ANO10: variants seen among roughly 807,000 people sequenced by gnomAD.
ANO10 encodes the protein anoctamin 10.
A neutral mutation model predicts 74.7 loss-of-function variants in ANO10; 77 were observed. The observed-to-expected ratio is 1.03, with a 90% confidence interval of 0.86 to 1.25. ANO10 has a LOEUF of 1.25. Among genes scored for constraint, ANO10 ranks in the 50% most tolerant of loss-of-function variants. The pLI is 0.00. For synonymous variants in ANO10, 279 were observed against 284.9 expected (o/e 0.98, Z 0.21); for missense variants, 721 against 778.1 (o/e 0.93, Z 0.87).
intron 1 of ANO10, among the ~76,000 whole-genome samples, chr3:43,677,972 C>A (rs1478713012): frequency 6.6e-6 from 1 of 152,204 alleles, no homozygotes; most frequent in Non-Finnish European, 1.5e-5. Flanking sequence ...ATGAGGGGCC[C>A]TGAGGGGCCA....
At chr3:43,397,047 A>G (rs890836631) in intron 12 of ANO10, among the ~76,000 whole-genome samples, 3 of 151,728 alleles carry the variant, frequency 2.0e-5, no homozygotes, top group Non-Finnish European at 4.4e-5. Flanking sequence ...CTCCTGCCTC[A>G]GCCTCCCAAG....
At chr3:43,402,517 G>A (rs1400521660) in intron 12 of ANO10, among the ~76,000 whole-genome samples, 3 of 152,212 alleles carry the variant, frequency 2.0e-5, no homozygotes, top group African/African-American at 7.2e-5. Flanking sequence ...ACACGATGGA[G>A]TGCTGATTCC....
chr3:43,667,557 C>T (rs970056526), intron 1 of ANO10, among the ~76,000 whole-genome samples: 2 of 152,032 alleles, frequency 1.3e-5, no homozygotes, highest in African/African-American at 4.8e-5. Context: ...ATACACTGTA[C>T]CCAATATGTA....
chr3:43,642,674 TC>T (rs1452149860), intron 1 of ANO10, among the ~76,000 whole-genome samples: 7 of 152,010 alleles, frequency 4.6e-5, no homozygotes, highest in Non-Finnish European at 7.4e-5. Context: ...TTCACTTCAT[TC>T]CCCCCACCTC....
At chr3:43,655,965 C>T (rs879927993) in intron 1 of ANO10, among the ~76,000 whole-genome samples, 662 of 56,090 alleles carry the variant, frequency 0.012, no homozygotes, top group Middle Eastern at 0.049. Flanking sequence ...TACAGAGTGC[C>T]GATTGGTGTA....
chr3:43,539,263 C>A (rs1210107475), intron 11 of ANO10, among the ~76,000 whole-genome samples: 1 of 152,160 alleles, frequency 6.6e-6, no homozygotes, highest in Non-Finnish European at 1.5e-5. Context: ...CAACACACAA[C>A]TCAATATTGC....
chr3:43,618,306 G>A (rs760774017), intron 1 of ANO10, among the ~76,000 whole-genome samples: 28 of 152,202 alleles, frequency 1.8e-4, no homozygotes, highest in East Asian at 1.9e-4. Context: ...AGCCCAGGCC[G>A]GATTAGATGC....
At chr3:43,690,935 C>T (rs1020326471) in intron 1 of ANO10, 9 of 1,530,640 alleles carry the variant, frequency 5.9e-6, no homozygotes, top group Admixed American at 2.0e-5. Context: ...CCCGGGGCGG[C>T]CCAGTCGGCC....
intron 1 of ANO10, among the ~76,000 whole-genome samples, chr3:43,619,240 TCTG>T (rs1352445652): frequency 3.9e-5 from 6 of 152,178 alleles, no homozygotes; most frequent in African/African-American, 1.4e-4. Flanking sequence ...ACTTTACAGG[TCTG>T]CACCAGGTCA....
intron 8 of ANO10, 73 bp downstream of exon 8, chr3:43,565,580 A>G (rs1405148047): frequency 8.9e-7 from 1 of 1,120,220 alleles, no homozygotes; most frequent in Non-Finnish European, 1.3e-6. Context: ...TTTGAAGGCA[A>G]TTACAGCATC....
chr3:43,534,737 G>A (rs561869317), intron 11 of ANO10, among the ~76,000 whole-genome samples: 5 of 152,314 alleles, frequency 3.3e-5, no homozygotes, highest in Admixed American at 1.3e-4. Context: ...GAGTCAGGAT[G>A]GGAGCAACAC....
intron 11 of ANO10, among the ~76,000 whole-genome samples, chr3:43,480,534 A>G (rs1233966429): frequency 6.6e-6 from 1 of 152,224 alleles, no homozygotes; most frequent in Admixed American, 6.5e-5. Context: ...TGTCTTCCAA[A>G]TTTGGAGGGC....
At chr3:43,655,442 T>G (rs759265620) in intron 1 of ANO10, among the ~76,000 whole-genome samples, 11 of 152,280 alleles carry the variant, frequency 7.2e-5, no homozygotes, top group South Asian at 6.2e-4. Context: ...GTAGCAAGAT[T>G]TATTGCAAAG....
intron 12 of ANO10, among the ~76,000 whole-genome samples, chr3:43,412,994 T>C (rs1401949381): frequency 1.3e-5 from 2 of 152,148 alleles, no homozygotes; most frequent in South Asian, 2.1e-4. Flanking sequence ...GAGGTTGCAG[T>C]GAGCCAAGGT....
intron 11 of ANO10, among the ~76,000 whole-genome samples, chr3:43,548,293 G>A (rs966507272): frequency 6.6e-6 from 1 of 152,136 alleles, no homozygotes; most frequent in African/African-American, 2.4e-5. Flanking sequence ...CACACTACAA[G>A]CCTAGCCAGC....
At chr3:43,651,320 G>C (rs2083784352) in intron 1 of ANO10, among the ~76,000 whole-genome samples, 1 of 152,114 alleles carries the variant, frequency 6.6e-6, no homozygotes, top group African/African-American at 2.4e-5. Context: ...AGAAGAACAA[G>C]ATAAAAGGAT....
intron 12 of ANO10, among the ~76,000 whole-genome samples, chr3:43,373,968 A>C (rs1000017474): frequency 3.9e-5 from 6 of 152,228 alleles, no homozygotes; most frequent in Non-Finnish European, 7.3e-5. Context: ...ATCAGTGGAC[A>C]CTGATATTTT....
chr3:43,582,313 G>A (rs1465391821), intron 4 of ANO10, among the ~76,000 whole-genome samples: 17 of 152,056 alleles, frequency 1.1e-4, no homozygotes, highest in Admixed American at 2.0e-4. Context: ...TTAGCCGGGC[G>A]TGGTGGCGGG....
intron 10 of ANO10, among the ~76,000 whole-genome samples, chr3:43,550,378 C>G (rs1214344951): frequency 1.3e-5 from 2 of 152,160 alleles, no homozygotes; most frequent in African/African-American, 4.8e-5. Context: ...AATATAGATG[C>G]TAGGCCCCAC....
Sources: allele counts gnomAD v4.1 joint callset (sites outside exome capture counted in the v4.1 genomes callset), GRCh38; gene constraint gnomAD v4.1.1; transcripts MANE v1.5; gene names NCBI Gene and HGNC (gene_info 2026-07-23, HGNC 2026-07-21).